Variants in SLC67A1 observed in about 807,000 individuals in gnomAD.
SLC67A1 encodes the protein solute carrier family 67 member 1.
chr11:2,909,083 T>A, the SLC67A1 span: 18 of 978,534 alleles, frequency 1.8e-5, no homozygotes, highest in Middle Eastern at 3.1e-4. Context: ...CCGCCCTCCA[T>A]CCCCATCCCG....
At chr11:2,906,867 AAAAAC>A in the SLC67A1 span, among the ~76,000 whole-genome samples, 1 of 142,152 alleles carries the variant, frequency 7.0e-6, no homozygotes, top group Non-Finnish European at 1.5e-5. Flanking sequence ...AGTATAATAA[AAAAAC>A]AAAAAGAGAG....
chr11:2,918,100 G>C, the SLC67A1 span: 1 of 1,609,316 alleles, frequency 6.2e-7, no homozygotes, highest in Non-Finnish European at 8.5e-7. Flanking sequence ...CCACAGGTGA[G>C]TCCCAACTAC....
chr11:2,901,837 C>T, the SLC67A1 span, among the ~76,000 whole-genome samples: 1 of 152,220 alleles, frequency 6.6e-6, no homozygotes, highest in African/African-American at 2.4e-5. Flanking sequence ...CTACACCACA[C>T]CCTCTACAAC....
the SLC67A1 span, among the ~76,000 whole-genome samples, chr11:2,912,716 G>A: frequency 6.6e-6 from 1 of 152,200 alleles, no homozygotes; most frequent in South Asian, 2.1e-4. Flanking sequence ...GAGGGACCCG[G>A]GACCTGAGTC....
chr11:2,910,829 G>T, the SLC67A1 span, among the ~76,000 whole-genome samples: 1 of 152,220 alleles, frequency 6.6e-6, no homozygotes, highest in Non-Finnish European at 1.5e-5. Context: ...AAGCAGCCTG[G>T]GGTGCCACTG....
At chr11:2,900,934 A>G in the SLC67A1 span, among the ~76,000 whole-genome samples, 2 of 152,170 alleles carry the variant, frequency 1.3e-5, no homozygotes, top group African/African-American at 4.8e-5. Flanking sequence ...CTTATGCCCT[A>G]CAGTCAAACA....
At chr11:2,921,865 C>A in the SLC67A1 span, 4 of 561,564 alleles carry the variant, frequency 7.1e-6, no homozygotes, top group Non-Finnish European at 9.6e-6. Context: ...TTTCCTTCCT[C>A]CCTTGTGGAG....
chr11:2,910,087 A>T, the SLC67A1 span, among the ~76,000 whole-genome samples: 1 of 152,080 alleles, frequency 6.6e-6, no homozygotes, highest in African/African-American at 2.4e-5. Context: ...GAGCTGTTGG[A>T]CGGTGCCCAG....
the SLC67A1 span, chr11:2,903,409 C>T: frequency 2.0e-5 from 32 of 1,613,112 alleles, no homozygotes; most frequent in Middle Eastern, 1.7e-4. Context: ...CGCTCTAGGC[C>T]GGTCCTCGGT....
chr11:2,904,828 C>T, the SLC67A1 span, among the ~76,000 whole-genome samples: 5 of 152,166 alleles, frequency 3.3e-5, no homozygotes, highest in East Asian at 3.9e-4. Context: ...GGAGAGGCCC[C>T]GGGGCAGTGG....
the SLC67A1 span, chr11:2,919,735 C>T: frequency 5.5e-6 from 2 of 365,798 alleles, no homozygotes; most frequent in Non-Finnish European, 1.0e-5. Context: ...GCCCGCCTTG[C>T]AGGGTCCTTG....
At chr11:2,914,316 G>C in the SLC67A1 span, among the ~76,000 whole-genome samples, 42 of 151,798 alleles carry the variant, frequency 2.8e-4, no homozygotes, top group South Asian at 1.7e-3. Flanking sequence ...GTGAGGTTGA[G>C]GGGGGCTGAG....
the SLC67A1 span, chr11:2,917,040 C>A: frequency 5.0e-6 from 2 of 403,432 alleles, no homozygotes; most frequent in Non-Finnish European, 9.3e-6. Flanking sequence ...GGAGGGGAGG[C>A]CCAGAGAGGC....
At chr11:2,920,847 G>C in the SLC67A1 span, 2 of 152,196 alleles carry the variant, frequency 1.3e-5, no homozygotes, top group Non-Finnish European at 2.9e-5. Flanking sequence ...CTGAGTCCTG[G>C]ATCTGAAGTC....
the SLC67A1 span, chr11:2,909,809 C>T: frequency 3.3e-5 from 43 of 1,296,832 alleles, no homozygotes; most frequent in Non-Finnish European, 3.6e-5. Flanking sequence ...CTCTTTTGCT[C>T]GTGGGGCGCG....
chr11:2,910,052 A>G, the SLC67A1 span, among the ~76,000 whole-genome samples: 152,266 of 152,270 alleles, frequency 1, 76,131 homozygotes, highest in Non-Finnish European at 1. Flanking sequence ...GCACCCTGGG[A>G]CTGGGATGCT....
chr11:2,900,050 G>A, the SLC67A1 span, among the ~76,000 whole-genome samples: 35 of 152,108 alleles, frequency 2.3e-4, no homozygotes, highest in Non-Finnish European at 2.5e-4. Context: ...GACACTCTGA[G>A]ACTCCTGTCA....
chr11:2,907,410 C>T, the SLC67A1 span, among the ~76,000 whole-genome samples: 1 of 152,182 alleles, frequency 6.6e-6, no homozygotes, highest in Admixed American at 6.5e-5. The surrounding 1 kb of genome is among the most constrained non-coding windows in gnomAD (Gnocchi z 6.7). Flanking sequence ...CATCCCTTGG[C>T]TTGTGGCCAC....
At chr11:2,902,673 G>T in the SLC67A1 span, 3 of 985,586 alleles carry the variant, frequency 3.0e-6, no homozygotes, top group Non-Finnish European at 3.6e-6. Flanking sequence ...ACCAGTTGGA[G>T]GCCGGGCGGG....
Sources: allele counts gnomAD v4.1 joint callset (sites outside exome capture counted in the v4.1 genomes callset), GRCh38; gene constraint gnomAD v4.1.1; non-coding constraint Gnocchi (gnomAD v3.1); transcripts MANE v1.5; gene names NCBI Gene and HGNC (gene_info 2026-07-23, HGNC 2026-07-21).